WDR27: variants seen among roughly 807,000 people sequenced by gnomAD.
The protein encoded by WDR27 is WD repeat-containing protein 27.
In WDR27, 100 loss-of-function variants were observed where a neutral mutation model predicts 114.4. That is an observed-to-expected ratio of 0.87 (90% CI 0.74 to 1.03). The LOEUF is 1.03. WDR27 is among the 50% of genes least tolerant of loss of function. The pLI is 0.00. For synonymous variants in WDR27, 449 were observed against 423.1 expected (o/e 1.06, Z -0.75); for missense variants, 1,129 against 1,092.9 (o/e 1.03, Z -0.47).
intron 16 of WDR27, among the ~76,000 whole-genome samples, chr6:169,644,467 G>T (rs1820000506): frequency 6.6e-6 from 1 of 151,546 alleles, no homozygotes; most frequent in African/African-American, 2.4e-5. Flanking sequence ...GAGTCACACT[G>T]TAGAAAAGCC....
intron 9 of WDR27, among the ~76,000 whole-genome samples, chr6:169,661,255 G>A (rs1226113530): frequency 6.6e-6 from 1 of 152,236 alleles, no homozygotes; most frequent in African/African-American, 2.4e-5. Context: ...CCTGGGCCAA[G>A]GCCACTGCTC....
intron 25 of WDR27, among the ~76,000 whole-genome samples, chr6:169,489,805 A>G (rs1720775639): frequency 6.6e-6 from 1 of 152,186 alleles, no homozygotes; most frequent in African/African-American, 2.4e-5. Flanking sequence ...CTATAATTTC[A>G]TGATTTCTCA....
intron 20 of WDR27, among the ~76,000 whole-genome samples, chr6:169,633,654 T>C (rs1816972878): frequency 6.6e-6 from 1 of 152,316 alleles, no homozygotes. Flanking sequence ...GTAATGTGTA[T>C]AGGTGGTGGG....
intron 25 of WDR27, among the ~76,000 whole-genome samples, chr6:169,565,788 A>T (rs1398845433): frequency 6.6e-6 from 1 of 152,190 alleles, no homozygotes; most frequent in Non-Finnish European, 1.5e-5. Context: ...CGTAGCTGGG[A>T]CTACAGGCAT....
At chr6:169,565,123 G>T (rs775103990) in intron 25 of WDR27, among the ~76,000 whole-genome samples, 1 of 152,158 alleles carries the variant, frequency 6.6e-6, no homozygotes, top group Non-Finnish European at 1.5e-5. Context: ...CTTACACGGC[G>T]GGAGATGTGT....
At chr6:169,559,998 T>C (rs1410601943) in intron 25 of WDR27, 2 of 152,184 alleles carry the variant, frequency 1.3e-5, no homozygotes, top group Non-Finnish European at 2.9e-5. Flanking sequence ...TTAAGGATGG[T>C]GACTGTGACA....
At chr6:169,662,488 T>A (rs1238000403) in intron 8 of WDR27, 64 bp from the exon 9 acceptor site, 1 of 1,583,622 alleles carries the variant, frequency 6.3e-7, no homozygotes, top group African/African-American at 1.3e-5. Context: ...GTTTAAAGGC[T>A]GAGGACTGCC....
At chr6:169,492,509 A>G (rs1416410287) in intron 25 of WDR27, among the ~76,000 whole-genome samples, 1 of 152,128 alleles carries the variant, frequency 6.6e-6, no homozygotes, top group Non-Finnish European at 1.5e-5. Context: ...CAGGAGAAAA[A>G]TGTTTTTAAA....
chr6:169,510,880 T>C (rs1424141394), intron 25 of WDR27, among the ~76,000 whole-genome samples: 2 of 152,220 alleles, frequency 1.3e-5, no homozygotes, highest in Admixed American at 6.5e-5. Context: ...AATTGCTTGA[T>C]ACTATTTCTT....
At chr6:169,642,730 G>C (rs1216383380) in intron 17 of WDR27, among the ~76,000 whole-genome samples, 1 of 152,176 alleles carries the variant, frequency 6.6e-6, no homozygotes, top group Non-Finnish European at 1.5e-5. Context: ...CACTGGGGGC[G>C]CTCATCTGCT....
At chr6:169,626,361 A>AG (rs1247971749) in intron 21 of WDR27, among the ~76,000 whole-genome samples, 2 of 152,118 alleles carry the variant, frequency 1.3e-5, no homozygotes, top group African/African-American at 2.4e-5. Context: ...GCACCAGCCA[A>AG]GGGGGGTTGC....
chr6:169,626,711 A>G (rs1247775661), intron 21 of WDR27, among the ~76,000 whole-genome samples: 1 of 152,236 alleles, frequency 6.6e-6, no homozygotes, highest in Non-Finnish European at 1.5e-5. Flanking sequence ...TAAGTAGATG[A>G]GGCCATTGTT....
chr6:169,481,730 G>A (rs1437636500), intron 25 of WDR27, among the ~76,000 whole-genome samples: 1 of 151,482 alleles, frequency 6.6e-6, no homozygotes, highest in Non-Finnish European at 1.5e-5. Flanking sequence ...AACAACTCCA[G>A]ACGGGAGGAA....
At chr6:169,636,563 C>T in intron 18 of WDR27, 59 bp from the exon 19 acceptor site, 1 of 1,477,186 alleles carries the variant, frequency 6.8e-7, no homozygotes, top group African/African-American at 1.4e-5. Flanking sequence ...AACACTATTG[C>T]TCTAAACATA....
chr6:169,554,631 G>A (rs977215892), intron 25 of WDR27, among the ~76,000 whole-genome samples: 2 of 152,080 alleles, frequency 1.3e-5, no homozygotes, highest in African/African-American at 4.8e-5. Context: ...TTCCCGTGTG[G>A]CTTCTGTGCC....
chr6:169,434,064 T>C, the WDR27 span, among the ~76,000 whole-genome samples: 429 of 152,366 alleles, frequency 2.8e-3, 1 homozygote, highest in African/African-American at 1.0e-2. Context: ...GATAGTTTCT[T>C]TTGCTGTGCA....
chr6:169,454,798 C>T (rs1439013978), downstream of WDR27, among the ~76,000 whole-genome samples: 2 of 152,214 alleles, frequency 1.3e-5, no homozygotes, highest in Non-Finnish European at 2.9e-5. Flanking sequence ...ACGGAGACAG[C>T]AGGCTAGACA....
rs1391057175 is a variant in WDR27, at chr6:169,701,951, G to A, written c.-408C>T. On this transcript the variant is annotated 5_prime_UTR_variant, in exon 1 of 26. Coordinates refer to ENST00000448612, the MANE Select transcript of WDR27 (RefSeq NM_182552.5). Reference sequence around the variant, plus strand: ...CACCCAGCTCCCAGGAGGGCACGCAGAGGACTACCGAGCCACACTCCGCCC... The same window carrying A: ...CACCCAGCTCCCAGGAGGGCACGCAAAGGACTACCGAGCCACACTCCGCCC... 4 of 370,270 alleles carry A rather than the reference G, an allele frequency of 1.1e-5. No homozygotes were observed. The highest frequency in any genetic ancestry group is 9.1e-4 in the Middle Eastern group (1 of 1,104). 22.9% of individuals were successfully genotyped at this position (370,270 alleles called of 1,614,324 possible). A position where few individuals can be genotyped will look rare whatever the true frequency, so the allele number is the denominator to read the frequency against.
At chr6:169,680,877 A>G (rs1273721176) in intron 2 of WDR27, among the ~76,000 whole-genome samples, 1 of 152,238 alleles carries the variant, frequency 6.6e-6, no homozygotes, top group Non-Finnish European at 1.5e-5. Flanking sequence ...TACTAAACAC[A>G]TATGTGCTTA....
Sources: allele counts gnomAD v4.1 joint callset (sites outside exome capture counted in the v4.1 genomes callset), GRCh38; gene constraint gnomAD v4.1.1; transcripts MANE v1.5; gene names NCBI Gene and HGNC (gene_info 2026-07-23, HGNC 2026-07-21).